The following COL1A1 variants were observed in gnomAD, a reference collection of about 807,000 sequenced individuals.
COL1A1 encodes the protein collagen type I alpha 1 chain, also known as collagen alpha-1(I) chain.
A neutral mutation model predicts 195.7 loss-of-function variants in COL1A1; 21 were observed. The observed-to-expected ratio is 0.11, with a 90% CI of 0.08 to 0.15. COL1A1 has a LOEUF of 0.15. Ranked by LOEUF, COL1A1 falls within the 10% of genes least tolerant of loss-of-function variation. COL1A1 has a pLI of 1.00. For missense variants in COL1A1, 1,365 were observed against 2,051.0 expected, an observed-to-expected ratio of 0.67 and a Z score of 6.46; for synonymous variants, 749 against 747.3, an observed-to-expected ratio of 1.00 and a Z score of -0.04.
At chr17:50,197,268 C>T (rs766946555) in intron 9 of COL1A1, 35 bp from the exon 10 acceptor site, 2 of 1,607,490 alleles carry the variant, frequency 1.2e-6, no homozygotes, top group African/African-American at 1.3e-5. Context: ...ATGCCTCTGC[C>T]TCCCCACCAC....
Position 50,186,213 on chromosome 17 carries a change from C to A in COL1A1, c.4005+104G>T. On this transcript the variant is annotated intron_variant, in intron 49 of 50. Coordinates refer to ENST00000225964, the MANE Select transcript of COL1A1 (RefSeq NM_000088.4). This position sits in a 1 kb window ranked among gnomAD's most constrained non-coding sequence, Gnocchi z 5.3. The stretch of plus-strand genomic sequence containing the variant: ...GAGACCCCTGCCTCCCAGCCCAGCT[C>A]TGTCCATCACCCTTAGCAGAGACCT... 1 of 1,553,218 alleles carries A rather than the reference C, an allele frequency of 6.4e-7. No individual in the cohort carries two copies. The highest frequency in any genetic ancestry group is 8.8e-7 in the Non-Finnish European group (1 of 1,135,348).
rs1555571942 is a variant in COL1A1, at chr17:50,187,114, AG to A, written c.3431del (p.Pro1144LeufsTer95). Reference sequence around the variant, plus strand: ...CTTTGCCAGGAGCACCAGCAGAGCCAGGGGGACCCTGGAGTGGGGGAAATGG... The same window carrying A: ...CTTTGCCAGGAGCACCAGCAGAGCCAGGGGACCCTGGAGTGGGGGAAATGG... ...ASGPAGPRGP[P>X]GSAGAPGKDG... On this transcript the variant is annotated frameshift_variant, in exon 47 of 51. Coordinates refer to ENST00000225964, the MANE Select transcript of COL1A1 (RefSeq NM_000088.4). LOFTEE classifies it high-confidence loss of function. 1.2e-6 allele frequency: 2 copies of A among 1,609,404 alleles called. No individual in the cohort carries two copies. The highest frequency in any genetic ancestry group is 1.7e-6 in the Non-Finnish European group (2 of 1,178,048).
Position 50,189,116 on chromosome 17 carries a change from A to G in COL1A1, c.2937+52T>C, listed in dbSNP as rs1906835000. The G allele has an allele frequency of 6.3e-7, 1 of 1,599,208 alleles. No individual in the cohort carries two copies. Among genetic ancestry groups the G allele is most frequent in the Non-Finnish European group, 8.6e-7 (1 of 1,167,162 alleles). On this transcript the variant is annotated intron_variant, in intron 40 of 50. Coordinates refer to ENST00000225964, the MANE Select transcript of COL1A1 (RefSeq NM_000088.4). The surrounding 1 kb of genome is among the most constrained non-coding windows in gnomAD (Gnocchi z 5.5). ...GTTCTCCTTGGCTCCGCCCCACTCC[A>G]AGTCCTGTGATGGTTTTTCTCAGGG...
chr17:50,197,896 GGA>G, intron 8 of COL1A1, 51 bp downstream of exon 8: 1 of 1,599,052 alleles, frequency 6.3e-7, no homozygotes, highest in African/African-American at 1.3e-5. Flanking sequence ...TTCTTCTATA[GGA>G]GAGTCTGTGT....
intron 14 of COL1A1, 47 bp from the exon 15 acceptor site, chr17:50,196,246 A>G: frequency 6.2e-7 from 1 of 1,612,950 alleles, no homozygotes; most frequent in Non-Finnish European, 8.5e-7. Context: ...AGCACTGGCC[A>G]GTCCCTAGAG....
chr17:50,199,306 G>T lies in COL1A1; in HGVS notation c.391C>A (p.Arg131=), dbSNP rs776611767. 1.6e-5 allele frequency: 25 copies of T among 1,544,270 alleles called. No individual in the cohort carries two copies. The African/African-American group carries it at 2.2e-4, about 14-fold the overall frequency. ...CCAGGCTGTCCAGGGATGCCATCTC[G>T]GCCAGGGGGGCCTGCGGGTCCCTGC... ...GPRGPAGPPG[R]DGIPGQPGLP... is the part of the protein sequence containing the mutation. Residue 131 remains arginine, a synonymous_variant, in exon 5 of 51, where the codon CGA becomes AGA. Coordinates refer to ENST00000225964, the MANE Select transcript of COL1A1 (RefSeq NM_000088.4).
intron 14 of COL1A1, 35 bp downstream of exon 14, chr17:50,196,279 G>A (rs752537040): frequency 6.2e-7 from 1 of 1,609,036 alleles, no homozygotes; most frequent in Admixed American, 1.7e-5. Context: ...CCCTTCCAGA[G>A]CTCAGGGATC....
chr17:50,201,271 G>T, intron 1 of COL1A1, 140 bp downstream of exon 1: 1 of 807,268 alleles, frequency 1.2e-6, no homozygotes, highest in Non-Finnish European at 2.0e-6. Context: ...GTCTCAGGGC[G>T]CCGAGGAAGA....
At position 50,188,819 on chromosome 17, in the gene COL1A1, TGA is replaced by T. The variant is rs1349088326; in HGVS notation, c.3046-26_3046-25del. ...CCCTGCAGAGAGAGAGAGAGAGAAG[TGA>T]GAGTCAGCCGGGGAAGAGGGCTTAG... On this transcript the variant is annotated intron_variant, in intron 41 of 50. Transcript: ENST00000225964. This position sits in a 1 kb window ranked among gnomAD's most constrained non-coding sequence, Gnocchi z 5.6. 6 of 1,606,414 alleles carry T rather than the reference TGA, an allele frequency of 3.7e-6. No homozygotes were observed. The African/African-American group carries it at 5.5e-5, about 15-fold the overall frequency.
chr17:50,188,386 T>G lies in COL1A1; in HGVS notation c.3207+144A>C. The G allele has an allele frequency of 1.1e-6, 1 of 945,294 alleles. No individual in the cohort carries two copies. Among genetic ancestry groups the G allele is most frequent in the Non-Finnish European group, 1.6e-6 (1 of 608,684 alleles). 58.6% of individuals were successfully genotyped at this position (945,294 alleles called of 1,614,324 possible). On this transcript the variant is annotated intron_variant, in intron 43 of 50. Transcript: ENST00000225964. The surrounding 1 kb of genome is among the most constrained non-coding windows in gnomAD (Gnocchi z 5.6). The stretch of plus-strand genomic sequence containing the variant: ...TTGGGGCTGAGCTTTAACTCAGTTT[T>G]TTGGATTAAGGCCCTGACATCTTGC...
rs772792964 is a variant in COL1A1, at chr17:50,186,364, C to T, written c.3958G>A (p.Asp1320Asn). The T allele has an allele frequency of 5.0e-6, 8 of 1,614,114 alleles. No homozygotes were observed. The highest frequency in any genetic ancestry group is 1.6e-4 in the Middle Eastern group (1 of 6,084). Reference sequence around the variant, plus strand: ...TCGCCGAACCAGACATGCCTCTTGTCCTTGGGGTTCTTGCTGATGTACCAG... The same window carrying T: ...TCGCCGAACCAGACATGCCTCTTGTTCTTGGGGTTCTTGCTGATGTACCAG... ...KNWYISKNPK[D>N]KRHVWFGESM... The change falls in exon 49 of 51, where the codon GAC becomes AAC. Residue 1320 changes from aspartate to asparagine, a missense_variant. By Grantham distance (23) the Asp-to-Asn change is conservative. This residue lies in a region of COL1A1 where 273 missense variants were observed against 338.6 expected (regional missense o/e 0.81). Transcript: ENST00000225964. The surrounding 1 kb of genome is among the most constrained non-coding windows in gnomAD (Gnocchi z 5.3).
chr17:50,186,074 C>A lies in COL1A1; in HGVS notation c.4006-54G>T. ...GAGCCGCTATGCGGGAACCTCTAGT[C>A]CTGCCTGGCCTCCCTGTCCAGGGTC... On this transcript the variant is annotated intron_variant, in intron 49 of 50. Transcript: ENST00000225964. This position sits in a 1 kb window ranked among gnomAD's most constrained non-coding sequence, Gnocchi z 5.3. 1 of 1,603,230 alleles carries A rather than the reference C, an allele frequency of 6.2e-7. No homozygotes were observed. Among genetic ancestry groups the A allele is most frequent in the Middle Eastern group, 1.8e-4 (1 of 5,572 alleles).
In COL1A1 at chr17:50,185,257, C is replaced by CTT. The variant is rs56302025; in HGVS notation, c.*243_*244dup. On this transcript the variant is annotated 3_prime_UTR_variant, in exon 51 of 51. Transcript: ENST00000225964. The stretch of plus-strand genomic sequence containing the variant: ...TTTTTTAAAAAGTTATTTATTTATT[C>CTT]TTTTTTTTTTTTTTTTTTTGGTAAG... 123,304 of 192,034 alleles carry CTT rather than the reference C, an allele frequency of 0.64. 49,969 individuals carry two copies. Among genetic ancestry groups the CTT allele is most frequent in the African/African-American group, 0.85 (25,532 of 30,110 alleles). 11.9% of individuals were successfully genotyped at this position (192,034 alleles called of 1,614,324 possible).
In COL1A1 at chr17:50,184,823, G is replaced by T; in HGVS notation, c.*679C>A. ...AATCCGATGTTTCTGCTTTGTCGTGGCCCTTCCTGACTCTCCTCCGAACCC... is the reference window on the plus strand; with the variant it reads ...AATCCGATGTTTCTGCTTTGTCGTGTCCCTTCCTGACTCTCCTCCGAACCC... On this transcript the variant is annotated 3_prime_UTR_variant, in exon 51 of 51. Coordinates refer to ENST00000225964, the MANE Select transcript of COL1A1 (RefSeq NM_000088.4). 1 of 192,002 alleles carries T rather than the reference G, an allele frequency of 5.2e-6. No homozygotes were observed. Among genetic ancestry groups the T allele is most frequent in the Non-Finnish European group, 1.0e-5 (1 of 95,520 alleles). The allele number at this position is 192,002 out of a possible 1,614,324, so 11.9% of individuals were successfully genotyped here. A position where few individuals can be genotyped will look rare whatever the true frequency, so the allele number is the denominator to read the frequency against.
Position 50,185,748 on chromosome 17 carries a change from G to A in COL1A1, c.4248+30C>T, listed in dbSNP as rs200720904. ...CAAAAAGCCCAAGGCCGGAGAGGTG[G>A]GGCCCTGCCTGGGGATTCTGGGCAC... is the stretch of plus-strand genomic sequence containing the variant. On this transcript the variant is annotated intron_variant, in intron 50 of 50. Transcript: ENST00000225964. The A allele has an allele frequency of 3.7e-6, 6 of 1,612,676 alleles. No individual in the cohort carries two copies. In the Admixed American group the frequency reaches 5.0e-5, roughly 13 times the overall value.
rs1482866161 is a variant in COL1A1, at chr17:50,195,524, G to C, written c.1155+43C>G. 6.2e-7 allele frequency: 1 copy of C among 1,613,954 alleles called. No individual in the cohort carries two copies. Among genetic ancestry groups the C allele is most frequent in the Admixed American group, 1.7e-5 (1 of 60,004 alleles). The stretch of plus-strand genomic sequence containing the variant: ...TGTCAGCAACAGGCAAGGACTCTGA[G>C]GTTAGAAAGTGGCAAAGGGGACACT... On this transcript the variant is annotated intron_variant, in intron 17 of 50. Transcript: ENST00000225964. The surrounding 1 kb of genome is among the most constrained non-coding windows in gnomAD (Gnocchi z 4.3).
At position 50,189,045 on chromosome 17, in the gene COL1A1, G is replaced by A. The variant is rs372631553; in HGVS notation, c.2938-35C>T. On this transcript the variant is annotated intron_variant, in intron 40 of 50. Transcript: ENST00000225964. The surrounding 1 kb of genome is among the most constrained non-coding windows in gnomAD (Gnocchi z 5.5). ...AAGAAAGAGTCAGGCCAGAGATAGG[G>A]TCTGGGAGGACCCTTGAGTCCGCTG... 71 of 1,588,704 alleles carry A rather than the reference G, an allele frequency of 4.5e-5. No homozygotes were observed. Among genetic ancestry groups the A allele is most frequent in the Non-Finnish European group, 5.8e-5 (67 of 1,157,220 alleles).
At chr17:50,199,502 G>A (rs1490997340) in intron 3 of COL1A1, 49 bp from the exon 4 acceptor site, 2 of 1,614,172 alleles carry the variant, frequency 1.2e-6, no homozygotes, top group South Asian at 2.2e-5. Context: ...GAGAAGGGAG[G>A]ACTGTGAGGA....
chr17:50,190,786 A>AG lies in COL1A1; in HGVS notation c.2343+30dup. The AG allele has an allele frequency of 6.3e-7, 1 of 1,581,224 alleles. No individual in the cohort carries two copies. Among genetic ancestry groups the AG allele is most frequent in the Non-Finnish European group, 8.7e-7 (1 of 1,150,640 alleles). On this transcript the variant is annotated intron_variant, in intron 33 of 50. Transcript: ENST00000225964. This position sits in a 1 kb window ranked among gnomAD's most constrained non-coding sequence, Gnocchi z 4.7. ...AGGCCTGCTGAGGAGGCTATGTGTT[A>AG]GGGCAGAAGGTGGGGAGGCGGCCAC...
Sources: gnomAD v4.1 joint callset for allele counts on GRCh38, gnomAD v4.1.1 for gene constraint, gnomAD v4.1.1 regional missense constraint, Gnocchi (gnomAD v3.1) non-coding constraint, MANE v1.5 for transcripts, NCBI Gene and HGNC (gene_info 2026-07-23, HGNC 2026-07-21) for gene names.